MYO3A: variants seen among roughly 807,000 people sequenced by gnomAD.
MYO3A encodes myosin IIIA.
Under a neutral mutation model 192.7 loss-of-function variants are expected in MYO3A, and 180 were observed. The observed-to-expected ratio is 0.93, with a 90% CI of 0.83 to 1.06. The LOEUF (loss-of-function observed/expected upper bound fraction) is 1.06. Among genes scored for constraint, MYO3A ranks in the 50% least tolerant of loss-of-function variants. The probability of loss-of-function intolerance (pLI) is 0.00; values close to 1 mark genes in which losing one functional copy is unlikely to be tolerated. For missense variants in MYO3A, 1,896 were observed against 1,905.0 expected (o/e 1.00, Z 0.09); for synonymous variants, 628 against 645.3 (o/e 0.97, Z 0.41).
intron 17 of MYO3A, among the ~76,000 whole-genome samples, chr10:26,116,651 A>C (rs1187190569): frequency 6.6e-6 from 1 of 152,218 alleles, no homozygotes; most frequent in Non-Finnish European, 1.5e-5. Context: ...CTAAAAGTTC[A>C]GGACTATTCT....
chr10:26,153,528 C>T (rs1045150030), intron 23 of MYO3A, among the ~76,000 whole-genome samples: 3 of 152,168 alleles, frequency 2.0e-5, no homozygotes, highest in Non-Finnish European at 2.9e-5. Context: ...ATCTCAGATG[C>T]CATTTATCAC....
intron 6 of MYO3A, among the ~76,000 whole-genome samples, chr10:26,012,880 C>T (rs1463952239): frequency 1.3e-5 from 2 of 152,040 alleles, no homozygotes; most frequent in African/African-American, 4.8e-5. Flanking sequence ...AATTATACTA[C>T]AAGGCTGTAA....
intron 34 of MYO3A, among the ~76,000 whole-genome samples, chr10:26,210,832 C>CT (rs1361559686): frequency 1.3e-5 from 2 of 152,120 alleles, no homozygotes; most frequent in Non-Finnish European, 2.9e-5. Context: ...GTCTTGCAGC[C>CT]TTTACATTGC....
intron 31 of MYO3A, among the ~76,000 whole-genome samples, chr10:26,190,089 AAAAG>A (rs1228644703): frequency 1.3e-5 from 2 of 152,098 alleles, no homozygotes; most frequent in Non-Finnish European, 2.9e-5. Flanking sequence ...AATAAAAGGA[AAAAG>A]AAAGGAAAAT....
intron 31 of MYO3A, among the ~76,000 whole-genome samples, chr10:26,180,855 C>T (rs1293256982): frequency 6.6e-6 from 1 of 151,930 alleles, no homozygotes; most frequent in Non-Finnish European, 1.5e-5. Context: ...TCTAAAATTA[C>T]TTTCTAGGTT....
At chr10:26,102,873 A>G (rs1013367038) in intron 17 of MYO3A, among the ~76,000 whole-genome samples, 8 of 152,180 alleles carry the variant, frequency 5.3e-5, no homozygotes, top group African/African-American at 1.7e-4. Flanking sequence ...GAGGCAGTCT[A>G]TCCATTCTCA....
At chr10:25,985,282 C>T (rs527725199) in intron 4 of MYO3A, among the ~76,000 whole-genome samples, 1 of 143,318 alleles carries the variant, frequency 7.0e-6, no homozygotes, top group Non-Finnish European at 1.5e-5. Context: ...CAAATATATA[C>T]AATCTAAAGT....
At chr10:26,060,466 TCAAA>T (rs796426832) in intron 10 of MYO3A, among the ~76,000 whole-genome samples, 193 of 151,958 alleles carry the variant, frequency 1.3e-3, no homozygotes, top group African/African-American at 4.4e-3. Context: ...AGACTCCATC[TCAAA>T]CAAACAAACA....
At chr10:25,970,159 A>C (rs1371872506) in intron 4 of MYO3A, among the ~76,000 whole-genome samples, 3 of 152,112 alleles carry the variant, frequency 2.0e-5, no homozygotes, top group African/African-American at 7.2e-5. Flanking sequence ...CAAGTAGAAA[A>C]TTATTTGAGG....
chr10:26,007,130 C>A (rs1475302099), intron 6 of MYO3A, among the ~76,000 whole-genome samples: 1 of 148,408 alleles, frequency 6.7e-6, no homozygotes, highest in East Asian at 1.9e-4. Context: ...AAGACAAAAA[C>A]CACATGATTA....
chr10:26,032,715 C>T (rs570444290), intron 10 of MYO3A, among the ~76,000 whole-genome samples: 1 of 151,408 alleles, frequency 6.6e-6, no homozygotes, highest in Non-Finnish European at 1.5e-5. Flanking sequence ...TAAATTCGCT[C>T]AAATAGGATT....
Position 26,074,632 on chromosome 10 carries a change from T to C in MYO3A, c.1359+4231T>C, listed in dbSNP as rs1364344137. On this transcript the variant is annotated intron_variant, in intron 14 of 34. Coordinates refer to ENST00000642920, the MANE Select transcript of MYO3A (RefSeq NM_017433.5). ...TATTTAATTATATATACAATAATGTTATATATAATATAACATGTAATATAT... is the reference window on the plus strand; with the variant it reads ...TATTTAATTATATATACAATAATGTCATATATAATATAACATGTAATATAT... Among the ~76,000 whole-genome samples, 6 of 148,384 alleles carry C rather than the reference T, an allele frequency of 4.0e-5. No individual in the cohort carries two copies. In the East Asian group the frequency reaches 1.2e-3, roughly 29 times the overall value.
At chr10:26,205,411 C>T (rs1049400245) in intron 34 of MYO3A, among the ~76,000 whole-genome samples, 4 of 149,584 alleles carry the variant, frequency 2.7e-5, no homozygotes, top group African/African-American at 5.0e-5. Context: ...TCCCCAGTCC[C>T]GTGACCAGTG....
At chr10:26,050,578 G>A (rs570918276) in intron 10 of MYO3A, among the ~76,000 whole-genome samples, 2 of 152,326 alleles carry the variant, frequency 1.3e-5, no homozygotes, top group African/African-American at 4.8e-5. Context: ...AGCGTGGAGT[G>A]AAGAAAGATG....
Position 26,173,836 on chromosome 10 carries a change from A to T in MYO3A, c.3572A>T (p.Lys1191Ile). Reference sequence around the variant, plus strand: ...AACAGAGTGTATCAGACTCCAAAAAAAATGAATAATGTGTATGAGGAAGAG... The same window carrying T: ...AACAGAGTGTATCAGACTCCAAAAATAATGAATAATGTGTATGAGGAAGAG... ...SNNRVYQTPK[K>I]MNNVYEEEVK... Residue 1191 changes from lysine to isoleucine, a missense_variant, in exon 30 of 35, where the codon AAA becomes ATA. Coordinates refer to ENST00000642920, the MANE Select transcript of MYO3A (RefSeq NM_017433.5). 6.2e-7 allele frequency: 1 copy of T among 1,614,146 alleles called. No individual in the cohort carries two copies. Among genetic ancestry groups the T allele is most frequent in the Non-Finnish European group, 8.5e-7 (1 of 1,180,036 alleles).
chr10:26,042,634 C>A (rs896107553), intron 10 of MYO3A, among the ~76,000 whole-genome samples: 2 of 152,024 alleles, frequency 1.3e-5, no homozygotes, highest in Admixed American at 1.3e-4. Flanking sequence ...ATTTTTCAAC[C>A]CCAGAATTTC....
intron 17 of MYO3A, among the ~76,000 whole-genome samples, chr10:26,111,270 A>C (rs959107654): frequency 2.6e-5 from 4 of 152,234 alleles, no homozygotes; most frequent in Admixed American, 2.6e-4. Context: ...ATTCCAGGTG[A>C]TATGTGGCCC....
intron 30 of MYO3A, among the ~76,000 whole-genome samples, chr10:26,176,025 T>C (rs1250636040): frequency 1.3e-5 from 2 of 152,086 alleles, no homozygotes; most frequent in Non-Finnish European, 2.9e-5. Context: ...CCGGGCGCGG[T>C]GGCTCAAGCC....
At position 26,152,888 on chromosome 10, in the gene MYO3A, C is replaced by T. The variant is rs7894215; in HGVS notation, c.2636-962C>T. 5.8e-3 allele frequency among the ~76,000 whole-genome samples: 880 copies of T among 152,302 alleles called. 14 individuals carry two copies. The highest frequency in any genetic ancestry group is 0.02 in the African/African-American group (835 of 41,568). On this transcript the variant is annotated intron_variant, in intron 23 of 34. Coordinates refer to ENST00000642920, the MANE Select transcript of MYO3A (RefSeq NM_017433.5). ...GAAGCAGAGCAGAGGCCCTGCCAGG[C>T]ACACTCCCATCATGATTCCTTCCTG... is the stretch of plus-strand genomic sequence containing the variant.
Sources: gnomAD v4.1 joint callset for allele counts (sites outside exome capture counted in the v4.1 genomes callset) on GRCh38, gnomAD v4.1.1 for gene constraint, MANE v1.5 for transcripts, NCBI Gene and HGNC (gene_info 2026-07-23, HGNC 2026-07-21) for gene names.